DPYD: variants seen among roughly 807,000 people sequenced by gnomAD.
DPYD encodes the protein dihydropyrimidine dehydrogenase [NADP(+)].
Under a neutral mutation model 116.2 loss-of-function variants are expected in DPYD, and 109 were observed. That is an observed-to-expected ratio of 0.94 (90% CI 0.80 to 1.10). The LOEUF (loss-of-function observed/expected upper bound fraction) is 1.10. DPYD is among the 50% of genes least tolerant of loss of function. The pLI is 0.00. For missense variants in DPYD, 1,302 were observed against 1,254.5 expected (o/e 1.04, Z -0.57); for synonymous variants, 440 against 432.0 (o/e 1.02, Z -0.23).
intron 16 of DPYD, among the ~76,000 whole-genome samples, chr1:97,361,788 T>A (rs997902256): frequency 6.6e-6 from 1 of 152,200 alleles, no homozygotes; most frequent in Admixed American, 6.5e-5. Flanking sequence ...AAATTAGGTA[T>A]TGATGGAACA....
intron 2 of DPYD, among the ~76,000 whole-genome samples, chr1:97,854,551 T>G (rs1670724776): frequency 6.6e-6 from 1 of 152,204 alleles, no homozygotes; most frequent in East Asian, 1.9e-4. Context: ...AACACTAGCA[T>G]GTAGAAAGGC....
chr1:97,723,231 T>C (rs1663023982), intron 4 of DPYD, among the ~76,000 whole-genome samples: 1 of 151,620 alleles, frequency 6.6e-6, no homozygotes, highest in Admixed American at 6.6e-5. Context: ...GAATGGTTCT[T>C]CTACATATAT....
At chr1:97,204,534 G>A (rs1269631736) in intron 19 of DPYD, among the ~76,000 whole-genome samples, 1 of 152,120 alleles carries the variant, frequency 6.6e-6, no homozygotes, top group African/African-American at 2.4e-5. Context: ...GTTCTAGGCT[G>A]AGGGTTTTAG....
At chr1:97,700,590 T>C (rs1057364490) in intron 5 of DPYD, among the ~76,000 whole-genome samples, 29 of 152,004 alleles carry the variant, frequency 1.9e-4, no homozygotes, top group African/African-American at 6.8e-4. Context: ...TACCAAACGA[T>C]AGAATGCACT....
intron 10 of DPYD, among the ~76,000 whole-genome samples, chr1:97,588,558 G>A (rs886826620): frequency 6.6e-5 from 10 of 152,116 alleles, no homozygotes; most frequent in Admixed American, 2.6e-4. Context: ...TCTGTCAACA[G>A]CTTTTAATAC....
chr1:97,721,507 T>C lies in DPYD; in HGVS notation c.483+3A>G, dbSNP rs772054833. ...GGGGATGTCACGTGTATATCATACA[T>C]ACCTCAGTAGCAAATTGCTGCAATC... On this transcript the variant is annotated splice_donor_region_variant and intron_variant, in intron 5 of 22. Transcript: ENST00000370192. 6.2e-7 allele frequency: 1 copy of C among 1,611,068 alleles called. No individual in the cohort carries two copies. The highest frequency in any genetic ancestry group is 1.1e-5 in the South Asian group (1 of 91,032).
intron 8 of DPYD, among the ~76,000 whole-genome samples, chr1:97,620,862 C>T (rs547619449): frequency 6.6e-6 from 1 of 152,246 alleles, no homozygotes; most frequent in African/African-American, 2.4e-5. Context: ...CCTACTTGTA[C>T]ATGGATTACA....
intron 14 of DPYD, among the ~76,000 whole-genome samples, chr1:97,400,570 G>A (rs999774484): frequency 7.4e-4 from 113 of 152,180 alleles, no homozygotes; most frequent in African/African-American, 2.2e-3. Context: ...CTGCGAATCC[G>A]TCTGGTCCTG....
At chr1:97,186,425 C>T (rs186839352) in intron 20 of DPYD, among the ~76,000 whole-genome samples, 3 of 152,278 alleles carry the variant, frequency 2.0e-5, no homozygotes, top group Non-Finnish European at 2.9e-5. Context: ...TGCTTCTACC[C>T]TCCCACCGTT....
intron 18 of DPYD, among the ~76,000 whole-genome samples, chr1:97,272,981 G>C (rs2100899919): frequency 6.6e-6 from 1 of 152,186 alleles, no homozygotes; most frequent in South Asian, 2.1e-4. Context: ...CATTTAAGCT[G>C]AAGTCAATGT....
chr1:97,799,084 G>A (rs1285509845), intron 3 of DPYD, among the ~76,000 whole-genome samples: 3 of 151,862 alleles, frequency 2.0e-5, no homozygotes, highest in African/African-American at 7.2e-5. Context: ...AAGGAAACGA[G>A]TCCTGTATAG....
At chr1:97,373,679 A>G in intron 15 of DPYD, 35 bp from the exon 16 acceptor site, 3 of 1,585,916 alleles carry the variant, frequency 1.9e-6, no homozygotes, top group South Asian at 1.1e-5. Context: ...AGAAAAGGCA[A>G]AGCTTTATTT....
chr1:97,412,331 C>A (rs1674051626), intron 14 of DPYD, among the ~76,000 whole-genome samples: 1 of 152,178 alleles, frequency 6.6e-6, no homozygotes, highest in Non-Finnish European at 1.5e-5. Context: ...TACTTTCCAG[C>A]TTGCTCACAA....
At chr1:97,326,399 G>T (rs887133811) in intron 16 of DPYD, among the ~76,000 whole-genome samples, 2 of 151,880 alleles carry the variant, frequency 1.3e-5, no homozygotes, top group Non-Finnish European at 2.9e-5. Flanking sequence ...TGGAAACATA[G>T]ATTTGAGAGT....
At chr1:97,336,451 C>T (rs1320246379) in intron 16 of DPYD, among the ~76,000 whole-genome samples, 1 of 152,096 alleles carries the variant, frequency 6.6e-6, no homozygotes, top group Non-Finnish European at 1.5e-5. Context: ...ATATTTAAAT[C>T]ATATCAAGGA....
intron 10 of DPYD, among the ~76,000 whole-genome samples, chr1:97,574,231 G>A (rs1245910638): frequency 6.6e-6 from 1 of 152,100 alleles, no homozygotes; most frequent in Non-Finnish European, 1.5e-5. Flanking sequence ...AGTACTGCAT[G>A]CTCTACATTT....
chr1:97,638,716 G>C (rs1353027154), intron 8 of DPYD, among the ~76,000 whole-genome samples: 1 of 152,080 alleles, frequency 6.6e-6, no homozygotes, highest in Non-Finnish European at 1.5e-5. Flanking sequence ...AGAAGGGAGG[G>C]GGAGCTGGTA....
chr1:97,421,053 A>G (rs1323599023), intron 14 of DPYD, among the ~76,000 whole-genome samples: 1 of 152,164 alleles, frequency 6.6e-6, no homozygotes, highest in Non-Finnish European at 1.5e-5. Context: ...TATTTAGCAC[A>G]GACTCTGATG....
chr1:97,431,503 G>A (rs578158027), intron 14 of DPYD, among the ~76,000 whole-genome samples: 1 of 152,204 alleles, frequency 6.6e-6, no homozygotes, highest in Non-Finnish European at 1.5e-5. Context: ...TTGTTCCACA[G>A]GTATTGGACA....
Sources: allele counts gnomAD v4.1 joint callset (sites outside exome capture counted in the v4.1 genomes callset), GRCh38; gene constraint gnomAD v4.1.1; transcripts MANE v1.5; gene names NCBI Gene and HGNC (gene_info 2026-07-23, HGNC 2026-07-21).